TSC1: variants seen among roughly 807,000 people sequenced by gnomAD.
TSC1 encodes the protein hamartin.
A neutral mutation model predicts 124.3 loss-of-function variants in TSC1; 20 were observed. The ratio of observed to expected loss-of-function variants is 0.16; its 90% CI spans 0.11 to 0.23. The LOEUF is 0.23. Ranked by LOEUF, TSC1 falls within the 10% of genes least tolerant of loss-of-function variation. The pLI, the probability that TSC1 is intolerant of heterozygous loss-of-function variation, is 1.00. For missense variants in TSC1, 1,124 were observed against 1,448.5 expected, an observed-to-expected ratio of 0.78 and a Z score of 3.64; for synonymous variants, 493 against 539.1, an observed-to-expected ratio of 0.91 and a Z score of 1.19.
chr9:132,897,060 GGA>G (rs746082284), intron 22 of TSC1, 122 bp downstream of exon 22: 1 of 1,484,188 alleles, frequency 6.7e-7, no homozygotes, highest in Non-Finnish European at 9.3e-7. Context: ...TCTCTGACAC[GGA>G]GTGAGCTGAG....
Position 132,921,968 on chromosome 9 carries a change from C to T in TSC1, c.514G>A (p.Val172Met), listed in dbSNP as rs952813051. 6.8e-6 allele frequency: 11 copies of T among 1,613,970 alleles called. No homozygotes were observed. Among genetic ancestry groups the T allele is most frequent in the Non-Finnish European group, 9.3e-6 (11 of 1,179,966 alleles). The change falls in exon 7 of 23, where the codon GTG becomes ATG. Residue 172 changes from valine (V) to methionine (M), a missense_variant. Physicochemically the swap from Val to Met is conservative, Grantham distance 21 (BLOSUM62 1). Coordinates refer to ENST00000298552, the MANE Select transcript of TSC1 (RefSeq NM_000368.5). This position sits in a 1 kb window ranked among gnomAD's most constrained non-coding sequence, Gnocchi z 4.3. ...AGATGGACGAGATAGACTTCCGCCA[C>T]GTGGCCTAGAAAAGGAACCCGTTGA... ...SSWCLKKPGHVAEVYLVHLHA... is the reference protein window; with the variant it reads ...SSWCLKKPGHMAEVYLVHLHA...
In TSC1 at chr9:132,891,402, T is replaced by C. The variant is rs1164611544; in HGVS notation, c.*4833A>G. 1 of 233,208 alleles carries C rather than the reference T, an allele frequency of 4.3e-6. No individual in the cohort carries two copies. The highest frequency in any genetic ancestry group is 8.5e-6 in the Non-Finnish European group (1 of 117,832). The allele number at this position is 233,208 out of a possible 1,614,324, so 14.4% of individuals were successfully genotyped here. A position where few individuals can be genotyped will look rare whatever the true frequency, so the allele number is the denominator to read the frequency against. On this transcript the variant is annotated 3_prime_UTR_variant, in exon 23 of 23. Coordinates refer to ENST00000298552, the MANE Select transcript of TSC1 (RefSeq NM_000368.5). ...TCACAGTTAAACACAAGCAACTGCC[T>C]TGACATTTTAGAACATTCTAAGAAG...
intron 12 of TSC1, chr9:132,910,155 G>C: frequency 3.5e-6 from 1 of 283,722 alleles, no homozygotes. Flanking sequence ...AAAAAACTTA[G>C]CCAGGCATCA....
Position 132,921,540 on chromosome 9 carries a change from G to A in TSC1, c.664-104C>T. On this transcript the variant is annotated intron_variant, in intron 7 of 22. Transcript: ENST00000298552. This position sits in a 1 kb window ranked among gnomAD's most constrained non-coding sequence, Gnocchi z 4.3. ...TAAAAGGAATGAAGTACTGATACAT[G>A]TTATAACACAGATGGAACCTTGAGA... 2 of 1,335,980 alleles carry A rather than the reference G, an allele frequency of 1.5e-6. No homozygotes were observed. The highest frequency in any genetic ancestry group is 2.4e-5 in the East Asian group (1 of 42,008). The allele number at this position is 1,335,980 out of a possible 1,614,324, so 82.8% of individuals were successfully genotyped here. A position where few individuals can be genotyped will look rare whatever the true frequency, so the allele number is the denominator to read the frequency against.
Position 132,921,381 on chromosome 9 carries a change from T to C in TSC1, c.719A>G (p.His240Arg), listed in dbSNP as rs1342213631. The change falls in exon 8 of 23, where the codon CAT (histidine) becomes CGT (arginine). Residue 240 changes from histidine to arginine, a missense_variant. This residue lies in a region of TSC1 where 463 missense variants were observed against 606.8 expected (regional missense o/e 0.76). Coordinates refer to ENST00000298552, the MANE Select transcript of TSC1 (RefSeq NM_000368.5). The surrounding 1 kb of genome is among the most constrained non-coding windows in gnomAD (Gnocchi z 4.3). ...HPELVTGSKD[H>R]ELDPRRWKRL... Reference sequence around the variant, plus strand: ...TCTATACCTTCGAGGGTCCAGTTCATGGTCCTTGGATCCAGTCACTAATTC... The same window carrying C: ...TCTATACCTTCGAGGGTCCAGTTCACGGTCCTTGGATCCAGTCACTAATTC... 1.9e-6 allele frequency: 3 copies of C among 1,614,178 alleles called. No individual in the cohort carries two copies. Among genetic ancestry groups the C allele is most frequent in the East Asian group, 4.5e-5 (2 of 44,872 alleles).
chr9:132,913,086 G>A (rs1383477980), intron 8 of TSC1, among the ~76,000 whole-genome samples: 3 of 151,810 alleles, frequency 2.0e-5, no homozygotes, highest in Admixed American at 6.6e-5. Flanking sequence ...CTACAGGCAC[G>A]TGCCACCGTG....
chr9:132,905,439 A>G, intron 15 of TSC1, 142 bp downstream of exon 15: 1 of 1,161,436 alleles, frequency 8.6e-7, no homozygotes, highest in Admixed American at 1.9e-5. Context: ...GCAACAGCCT[A>G]GAAGGACATC....
rs2131633626 is a variant in TSC1, at chr9:132,897,492, T to C, written c.2744A>G (p.His915Arg). 1 of 1,613,990 alleles carries C rather than the reference T, an allele frequency of 6.2e-7. No individual in the cohort carries two copies. The highest frequency in any genetic ancestry group is 8.5e-7 in the Non-Finnish European group (1 of 1,180,012). Residue 915 changes from histidine to arginine, a missense_variant, in exon 21 of 23, where the codon CAC (histidine) becomes CGC (arginine). Transcript: ENST00000298552. The stretch of plus-strand genomic sequence containing the variant: ...AAGAAGGTGGTCTTTCTTGGCCAGG[T>C]GAGATTCCAGTTCCAAAATCCGTTT... ...SQKRILELES[H>R]LAKKDHLLLE...
intron 9 of TSC1, 28 bp from the exon 10 acceptor site, chr9:132,911,596 G>A: frequency 2.1e-6 from 2 of 969,236 alleles, no homozygotes; most frequent in Non-Finnish European, 3.3e-6. Context: ...AACACAGGGG[G>A]TTAGTGTGTG....
At chr9:132,901,451 T>G in intron 19 of TSC1, 138 bp downstream of exon 19, 1 of 822,676 alleles carries the variant, frequency 1.2e-6, no homozygotes, top group African/African-American at 1.7e-5. Flanking sequence ...TGTCAGGGAC[T>G]ATGGGGGCAG....
chr9:132,940,258 T>C (rs1333133732), intron 1 of TSC1, among the ~76,000 whole-genome samples: 2 of 152,176 alleles, frequency 1.3e-5, no homozygotes, highest in East Asian at 3.8e-4. Flanking sequence ...AAAAAAGTTT[T>C]TTAATAAAGC....
In TSC1 at chr9:132,921,267, C is replaced by A. The variant is rs897973940; in HGVS notation, c.737+96G>T. The A allele has an allele frequency of 8.4e-6, 11 of 1,305,640 alleles. No individual in the cohort carries two copies. Among genetic ancestry groups the A allele is most frequent in the Middle Eastern group, 1.8e-4 (1 of 5,494 alleles). 80.9% of individuals were successfully genotyped at this position (1,305,640 alleles called of 1,614,324 possible). On this transcript the variant is annotated intron_variant, in intron 8 of 22. Coordinates refer to ENST00000298552, the MANE Select transcript of TSC1 (RefSeq NM_000368.5). The surrounding 1 kb of genome is among the most constrained non-coding windows in gnomAD (Gnocchi z 4.3). Reference sequence around the variant, plus strand: ...TGGACTGATTCTGTAAGTAGAACATCTATATTCCCAAATATACCTCAACAG... The same window carrying A: ...TGGACTGATTCTGTAAGTAGAACATATATATTCCCAAATATACCTCAACAG...
chr9:132,925,249 T>C (rs536415474), intron 5 of TSC1, among the ~76,000 whole-genome samples: 80 of 152,276 alleles, frequency 5.3e-4, no homozygotes, highest in African/African-American at 1.8e-3. Flanking sequence ...TAAAAGATAA[T>C]TTAGAAACAG....
chr9:132,913,294 T>C (rs1367548732), intron 8 of TSC1, among the ~76,000 whole-genome samples: 1 of 152,208 alleles, frequency 6.6e-6, no homozygotes, highest in African/African-American at 2.4e-5. Context: ...ACAATAAAAT[T>C]AGTCAATCTT....
rs1240702401 is a variant in TSC1 at position 132,905,745 on chromosome 9, T to C, written c.1833A>G (p.Ala611=). 2.5e-6 allele frequency: 4 copies of C among 1,614,212 alleles called. No individual in the cohort carries two copies. The highest frequency in any genetic ancestry group is 1.1e-5 in the South Asian group (1 of 91,088). The part of the protein sequence containing the change: ...PPPYDHLFEV[A]LPKTAHHFVI... ...CAAAATGATGGGCTGTCTTTGGCAA[T>C]GCCACCTCAAAAAGATGATCATACG... Residue 611 remains alanine (A), a synonymous_variant, in exon 15 of 23, where the codon GCA becomes GCG. Coordinates refer to ENST00000298552, the MANE Select transcript of TSC1 (RefSeq NM_000368.5).
chr9:132,926,073 A>C lies in TSC1; in HGVS notation c.211-334T>G, dbSNP rs570850712. 15 of 363,006 alleles carry C rather than the reference A, an allele frequency of 4.1e-5. No individual in the cohort carries two copies. The East Asian group carries it at 8.4e-4, about 20-fold the overall frequency. The allele number at this position is 363,006 out of a possible 1,614,324, so 22.5% of individuals were successfully genotyped here. A position where few individuals can be genotyped will look rare whatever the true frequency, so the allele number is the denominator to read the frequency against. On this transcript the variant is annotated intron_variant, in intron 4 of 22. Transcript: ENST00000298552. Reference sequence around the variant, plus strand: ...TGAAGCCATGAGGGGATCCTGCTGGAAGCAGCCACTTATTGCTAGAGCAAC... The same window carrying C: ...TGAAGCCATGAGGGGATCCTGCTGGCAGCAGCCACTTATTGCTAGAGCAAC...
intron 3 of TSC1, among the ~76,000 whole-genome samples, chr9:132,928,408 A>G (rs1847008620): frequency 6.6e-6 from 1 of 152,216 alleles, no homozygotes; most frequent in Non-Finnish European, 1.5e-5. Context: ...TACTATTTAA[A>G]TTTGTATTTC....
intron 20 of TSC1, chr9:132,900,485 T>C: frequency 1.8e-6 from 1 of 567,842 alleles, no homozygotes; most frequent in South Asian, 1.8e-5. Flanking sequence ...CTCTACCAAC[T>C]ACCATTAGGT....
intron 2 of TSC1, 141 bp from the exon 3 acceptor site, chr9:132,929,093 C>T: frequency 1.5e-6 from 1 of 648,266 alleles, no homozygotes; most frequent in Non-Finnish European, 2.5e-6. Context: ...ACAGTGAGTA[C>T]ATTTAGCTGA....
Sources: gnomAD v4.1 joint callset for allele counts (sites outside exome capture counted in the v4.1 genomes callset) on GRCh38, gnomAD v4.1.1 for gene constraint, gnomAD v4.1.1 regional missense constraint, Gnocchi (gnomAD v3.1) non-coding constraint, MANE v1.5 for transcripts, NCBI Gene and HGNC (gene_info 2026-07-23, HGNC 2026-07-21) for gene names.